NPPC: variants seen among roughly 807,000 people sequenced by gnomAD.
NPPC encodes the protein natriuretic peptide C, also known as C-type natriuretic peptide.
A neutral mutation model predicts 10.2 loss-of-function variants in NPPC; 4 were observed. The ratio of observed to expected loss-of-function variants is 0.39; its 90% confidence interval spans 0.19 to 0.90. NPPC has a LOEUF of 0.90. NPPC is among the 40% of genes least tolerant of loss of function. The pLI, the probability that NPPC is intolerant of heterozygous loss-of-function variation, is 0.37. For synonymous variants in NPPC, 83 were observed against 87.3 expected, an observed-to-expected ratio of 0.95 and a Z score of 0.27; for missense variants, 182 against 173.8, an observed-to-expected ratio of 1.05 and a Z score of -0.26.
In NPPC at chr2:231,925,569, G is replaced by C. The variant is rs754532568; in HGVS notation, c.237C>G (p.Thr79=). ...SRLLRDLRVD[T]KSRAAWARLL... is the part of the protein sequence containing the mutation. ...GGCGAGCCCACGCTGCCCGCGACTT[G>C]GTGTCCACGCGCAGGTCCCGGAGCA... is the stretch of plus-strand genomic sequence containing the variant. Residue 79 remains threonine (T), a synonymous_variant, in exon 2 of 3, where the codon ACC becomes ACG. Transcript: ENST00000409852. 6.2e-7 allele frequency: 1 copy of C among 1,612,472 alleles called. No homozygotes were observed. Among genetic ancestry groups the C allele is most frequent in the South Asian group, 1.1e-5 (1 of 90,960 alleles).
rs375294638 is a variant in NPPC at position 231,922,116 on chromosome 2, C to T, written c.*220G>A. The T allele has an allele frequency of 1.3e-5, 2 of 150,268 alleles. No individual in the cohort carries two copies. The highest frequency in any genetic ancestry group is 3.0e-5 in the Non-Finnish European group (2 of 67,686). The allele number at this position is 150,268 out of a possible 1,614,324, so 9.3% of individuals were successfully genotyped here. A position where few individuals can be genotyped will look rare whatever the true frequency, so the allele number is the denominator to read the frequency against. On this transcript the variant is annotated 3_prime_UTR_variant, in exon 3 of 3. Coordinates refer to ENST00000409852, the MANE Select transcript of NPPC (RefSeq NM_024409.4). ...ATATAATATATAACTTTTTATTTTT[C>T]ATTTTAAAAAAACAAATAATAAAAT...
In NPPC at chr2:231,925,665, G is replaced by T; in HGVS notation, c.141C>A (p.Gly47=). The change falls in exon 2 of 3, where the codon GGC becomes GGA. Residue 47 remains glycine, a synonymous_variant. Transcript: ENST00000409852. ...AEELAEPQAA[G]GGQKKGDKAP... is the part of the protein sequence containing the mutation. ...CCTTGTCGCCCTTCTTCTGACCGCCGCCCGCAGCCTGCGGCTCGGCCAGCT... is the reference window on the plus strand; with the variant it reads ...CCTTGTCGCCCTTCTTCTGACCGCCTCCCGCAGCCTGCGGCTCGGCCAGCT... 6.2e-7 allele frequency: 1 copy of T among 1,600,266 alleles called. No individual in the cohort carries two copies. The highest frequency in any genetic ancestry group is 2.0e-4 in the Middle Eastern group (1 of 4,942).
chr2:231,925,653 C>G lies in NPPC; in HGVS notation c.153G>C (p.Lys51Asn). The change falls in exon 2 of 3, where the codon AAG (lysine) becomes AAC (asparagine). Residue 51 changes from lysine (K) to asparagine (N), a missense_variant. Coordinates refer to ENST00000409852, the MANE Select transcript of NPPC (RefSeq NM_024409.4). Reference sequence around the variant, plus strand: ...CGCCCCCGGGAGCCTTGTCGCCCTTCTTCTGACCGCCGCCCGCAGCCTGCG... The same window carrying G: ...CGCCCCCGGGAGCCTTGTCGCCCTTGTTCTGACCGCCGCCCGCAGCCTGCG... ...AEPQAAGGGQKKGDKAPGGGG... is the reference protein window; with the variant it reads ...AEPQAAGGGQNKGDKAPGGGG... 1 of 1,603,198 alleles carries G rather than the reference C, an allele frequency of 6.2e-7. No individual in the cohort carries two copies. The highest frequency in any genetic ancestry group is 8.5e-7 in the Non-Finnish European group (1 of 1,176,716).
chr2:231,925,649 C>T lies in NPPC; in HGVS notation c.157G>A (p.Gly53Ser). Reference protein sequence around the residue: ...PQAAGGGQKKGDKAPGGGGAN... With the variant: ...PQAAGGGQKKSDKAPGGGGAN... ...CCCCCGCCCCCGGGAGCCTTGTCGC[C>T]CTTCTTCTGACCGCCGCCCGCAGCC... is the stretch of plus-strand genomic sequence containing the variant. The change falls in exon 2 of 3, where the codon GGC (glycine) becomes AGC (serine). Residue 53 changes from glycine (G) to serine (S), a missense_variant. Physicochemically the swap from Gly to Ser is moderately conservative, Grantham distance 56. Transcript: ENST00000409852. 6.2e-7 allele frequency: 1 copy of T among 1,604,534 alleles called. No homozygotes were observed. The highest frequency in any genetic ancestry group is 8.5e-7 in the Non-Finnish European group (1 of 1,177,188).
At chr2:231,922,659 G>A (rs2106192447) in intron 2 of NPPC, among the ~76,000 whole-genome samples, 1 of 152,172 alleles carries the variant, frequency 6.6e-6, no homozygotes, top group South Asian at 2.1e-4. Flanking sequence ...TTGCTACAAC[G>A]CAAACCCTCA....
rs549498447 is a variant in NPPC, at chr2:231,925,577, C to T, written c.229G>A (p.Val77Met). 2.7e-5 allele frequency: 43 copies of T among 1,612,344 alleles called. No homozygotes were observed. In the South Asian group the frequency reaches 4.0e-4, roughly 15 times the overall value. The change falls in exon 2 of 3, where the codon GTG becomes ATG. Residue 77 changes from valine (V) to methionine (M), a missense_variant. By Grantham distance (21) the Val-to-Met change is conservative (BLOSUM62 1). Transcript: ENST00000409852. ...CACGCTGCCCGCGACTTGGTGTCCA[C>T]GCGCAGGTCCCGGAGCAGTCGCGAC... ...DRSRLLRDLR[V>M]DTKSRAAWAR...
chr2:231,924,148 G>T lies in NPPC; in HGVS notation c.*20+1257C>A, dbSNP rs138506391. Among the ~76,000 whole-genome samples, 36 of 152,354 alleles carry T rather than the reference G, an allele frequency of 2.4e-4. No individual in the cohort carries two copies. The East Asian group carries it at 6.9e-3, about 29-fold the overall frequency. On this transcript the variant is annotated intron_variant, in intron 2 of 2. Transcript: ENST00000409852. ...TTAAAACCTCGGGCAGGTGGGAGTG[G>T]CCATGGGCCAGGGTGTGCTGGTTTC...
intron 2 of NPPC, among the ~76,000 whole-genome samples, chr2:231,924,177 G>C (rs1440103612): frequency 6.6e-6 from 1 of 152,254 alleles, no homozygotes; most frequent in Non-Finnish European, 1.5e-5. Context: ...TGGTTTCTCT[G>C]GTCATTGACA....
chr2:231,926,303 G>A lies in NPPC; in HGVS notation c.-54C>T. On this transcript the variant is annotated 5_prime_UTR_variant, in exon 1 of 3. Coordinates refer to ENST00000409852, the MANE Select transcript of NPPC (RefSeq NM_024409.4). ...GGGCGGCAGCGAGGGCGCGCAGGTCGGCGGGCAGACCAGCAGGGGGATGCG... is the reference window on the plus strand; with the variant it reads ...GGGCGGCAGCGAGGGCGCGCAGGTCAGCGGGCAGACCAGCAGGGGGATGCG... 5 of 1,179,022 alleles carry A rather than the reference G, an allele frequency of 4.2e-6. No individual in the cohort carries two copies. The highest frequency in any genetic ancestry group is 5.4e-6 in the Non-Finnish European group (5 of 927,932). The allele number at this position is 1,179,022 out of a possible 1,614,324, so 73.0% of individuals were successfully genotyped here. A position where few individuals can be genotyped will look rare whatever the true frequency, so the allele number is the denominator to read the frequency against.
Position 231,925,175 on chromosome 2 carries a change from A to G in NPPC, c.*20+230T>C, listed in dbSNP as rs936395903. ...CCACCAAGCCTGTTTCTGCTTCTCC[A>G]GAAGAAGCCAGGTGGGTTCAACCAG... On this transcript the variant is annotated intron_variant, in intron 2 of 2. Coordinates refer to ENST00000409852, the MANE Select transcript of NPPC (RefSeq NM_024409.4). 2.6e-5 allele frequency among the ~76,000 whole-genome samples: 4 copies of G among 152,342 alleles called. 1 individual carries two copies. The highest frequency in any genetic ancestry group is 6.8e-3 in the Middle Eastern group (2 of 294).
rs1424432978 is a variant in NPPC at position 231,926,114 on chromosome 2, CCTCCCACGCCT to C, written c.90+35_90+45del. On this transcript the variant is annotated intron_variant, in intron 1 of 2. Transcript: ENST00000409852. ...CGCGCCGCATTCTCCAAGCCCCCAG[CCTCCCACGCCT>C]CTCCCAGGCTCGGCGTCCCCACGAC... is the stretch of plus-strand genomic sequence containing the variant. The C allele has an allele frequency of 2.4e-6, 3 of 1,231,142 alleles. No individual in the cohort carries two copies. In the African/African-American group the frequency reaches 4.7e-5, roughly 19 times the overall value. The allele number at this position is 1,231,142 out of a possible 1,614,324, so 76.3% of individuals were successfully genotyped here.
At chr2:231,924,132 C>T (rs1460919946) in intron 2 of NPPC, among the ~76,000 whole-genome samples, 2 of 152,246 alleles carry the variant, frequency 1.3e-5, no homozygotes, top group African/African-American at 2.4e-5. Flanking sequence ...GTTAAAACCT[C>T]GGGCAGGTGG....
At chr2:231,924,460 G>A (rs1357810248) in intron 2 of NPPC, among the ~76,000 whole-genome samples, 2 of 152,350 alleles carry the variant, frequency 1.3e-5, no homozygotes, top group South Asian at 2.1e-4. Flanking sequence ...AGTGGCAGCT[G>A]CTGAGCTGGA....
rs1000111951 is a variant in NPPC, at chr2:231,922,658, C to T, written c.*21-343G>A. On this transcript the variant is annotated intron_variant, in intron 2 of 2. Coordinates refer to ENST00000409852, the MANE Select transcript of NPPC (RefSeq NM_024409.4). The stretch of plus-strand genomic sequence containing the variant: ...ATCTCCCATCCCTTTTTTGCTACAA[C>T]GCAAACCCTCAGTCAGTGCTCGCCC... Among the ~76,000 whole-genome samples the T allele has an allele frequency of 8.5e-5, 13 of 152,064 alleles. 1 individual carries two copies. Among genetic ancestry groups the T allele is most frequent in the South Asian group, 2.1e-4 (1 of 4,832 alleles).
At chr2:231,923,577 C>T (rs770302007) in intron 2 of NPPC, among the ~76,000 whole-genome samples, 10 of 152,240 alleles carry the variant, frequency 6.6e-5, no homozygotes, top group African/African-American at 9.6e-5. Flanking sequence ...AAATCCACAC[C>T]GCCCTTCCCA....
At chr2:231,925,846 G>A (rs1186360315) in intron 1 of NPPC, 131 bp from the exon 2 acceptor site, 1 of 1,131,084 alleles carries the variant, frequency 8.8e-7, no homozygotes, top group Non-Finnish European at 1.2e-6. Flanking sequence ...ACCGATGCCG[G>A]CCAGCTTGGC....
intron 1 of NPPC, 94 bp from the exon 2 acceptor site, chr2:231,925,809 G>T (rs1691999024): frequency 2.9e-6 from 4 of 1,364,862 alleles, no homozygotes; most frequent in Middle Eastern, 2.7e-4. Flanking sequence ...GGCGCGGGGT[G>T]TCCCTCCCAA....
At chr2:231,923,637 C>A (rs1385310772) in intron 2 of NPPC, among the ~76,000 whole-genome samples, 1 of 152,146 alleles carries the variant, frequency 6.6e-6, no homozygotes, top group South Asian at 2.1e-4. Flanking sequence ...TTGAAGGTGT[C>A]GACGGTAAGT....
Position 231,925,437 on chromosome 2 carries a change from G to A in NPPC, c.369C>T (p.Gly123=). 3 of 1,604,946 alleles carry A rather than the reference G, an allele frequency of 1.9e-6. No individual in the cohort carries two copies. Among genetic ancestry groups the A allele is most frequent in the Non-Finnish European group, 2.6e-6 (3 of 1,175,692 alleles). ...AGGGGGCGCCGCACTAACATCCCAG[G>A]CCGCTCATGGAGCCGATTCGGTCCA... is the stretch of plus-strand genomic sequence containing the variant. ...LKLDRIGSMS[G]LGC The change falls in exon 2 of 3, where the codon GGC becomes GGT. Residue 123 remains glycine (G), a synonymous_variant. Transcript: ENST00000409852.
Sources: gnomAD v4.1 joint callset for allele counts (sites outside exome capture counted in the v4.1 genomes callset) on GRCh38, gnomAD v4.1.1 for gene constraint, MANE v1.5 for transcripts, NCBI Gene and HGNC (gene_info 2026-07-23, HGNC 2026-07-21) for gene names.